The following SLC35A1 variants were observed in gnomAD, a reference collection of about 807,000 sequenced individuals.
The protein encoded by SLC35A1 is CMP-sialic acid transporter.
SLC35A1 carries 21 observed loss-of-function variants against 40.3 expected under a neutral mutation model. The ratio of observed to expected loss-of-function variants is 0.52; its 90% confidence interval spans 0.37 to 0.75. SLC35A1 has a LOEUF of 0.75. Ranked by LOEUF, SLC35A1 falls within the 30% of genes least tolerant of loss-of-function variation. SLC35A1 has a pLI of 0.00. For missense variants in SLC35A1, 297 were observed against 382.1 expected (o/e 0.78, Z 1.86); for synonymous variants, 146 against 147.3 (o/e 0.99, Z 0.06).
chr6:87,491,970 C>T (rs912044781), intron 2 of SLC35A1, among the ~76,000 whole-genome samples: 2 of 152,196 alleles, frequency 1.3e-5, no homozygotes, highest in African/African-American at 4.8e-5. Context: ...TAGCCCATAG[C>T]ACATTACACA....
At chr6:87,500,745 A>T in intron 3 of SLC35A1, 78 bp downstream of exon 3, 5 of 1,390,464 alleles carry the variant, frequency 3.6e-6, no homozygotes, top group Non-Finnish European at 4.0e-6. Context: ...TTATCATATT[A>T]TCAATTTTTT....
chr6:87,497,296 T>A (rs1006789784), intron 2 of SLC35A1, among the ~76,000 whole-genome samples: 2 of 152,178 alleles, frequency 1.3e-5, no homozygotes, highest in East Asian at 3.8e-4. Flanking sequence ...CATTCTGGTA[T>A]ACCTTGGTTT....
At chr6:87,481,625 T>G (rs896768894) in intron 2 of SLC35A1, among the ~76,000 whole-genome samples, 3 of 152,220 alleles carry the variant, frequency 2.0e-5, no homozygotes, top group Non-Finnish European at 4.4e-5. Context: ...TATTAGTGTA[T>G]TATTAATATT....
At chr6:87,479,606 T>C (rs1309724685) in intron 2 of SLC35A1, among the ~76,000 whole-genome samples, 3 of 152,210 alleles carry the variant, frequency 2.0e-5, no homozygotes, top group Non-Finnish European at 4.4e-5. Flanking sequence ...CAACATTCAG[T>C]TTTAATCATG....
intron 7 of SLC35A1, among the ~76,000 whole-genome samples, chr6:87,509,510 A>G (rs1346820497): frequency 6.6e-6 from 1 of 152,208 alleles, no homozygotes. Context: ...GTACTCAAGG[A>G]AATACATATA....
chr6:87,495,653 CTTTTT>C (rs373888935), intron 2 of SLC35A1, among the ~76,000 whole-genome samples: 1 of 142,712 alleles, frequency 7.0e-6, no homozygotes. Flanking sequence ...CCCTCAAAGT[CTTTTT>C]TTTTTTTTCT....
chr6:87,508,227 T>TAAAA (rs1770147739), intron 5 of SLC35A1, among the ~76,000 whole-genome samples, 193 bp from the exon 6 acceptor site: 1 of 152,138 alleles, frequency 6.6e-6, no homozygotes, highest in East Asian at 1.9e-4. Context: ...ATATACTCTG[T>TAAAA]AAAAACATAA....
chr6:87,493,364 T>G (rs1216049432), intron 2 of SLC35A1, among the ~76,000 whole-genome samples: 1 of 152,202 alleles, frequency 6.6e-6, no homozygotes, highest in Non-Finnish European at 1.5e-5. Context: ...AGGCATTTGG[T>G]ATACACATTG....
Position 87,511,847 on chromosome 6 carries a change from A to G in SLC35A1, c.*321A>G, listed in dbSNP as rs760100451. ...CATGGTAAGGCTACAATACTCAAGT[A>G]ACAAGGTTTGGGACAATGTCTAAGG... On this transcript the variant is annotated 3_prime_UTR_variant, in exon 8 of 8. Coordinates refer to ENST00000369552, the MANE Select transcript of SLC35A1 (RefSeq NM_006416.5). 28 of 359,730 alleles carry G rather than the reference A, an allele frequency of 7.8e-5. No homozygotes were observed. The highest frequency in any genetic ancestry group is 1.4e-4 in the Non-Finnish European group (26 of 187,400). The allele number at this position is 359,730 out of a possible 1,614,324, so 22.3% of individuals were successfully genotyped here. A position where few individuals can be genotyped will look rare whatever the true frequency, so the allele number is the denominator to read the frequency against.
At chr6:87,506,685 T>C (rs1770092003) in intron 5 of SLC35A1, among the ~76,000 whole-genome samples, 1 of 152,182 alleles carries the variant, frequency 6.6e-6, no homozygotes, top group African/African-American at 2.4e-5. Flanking sequence ...TCCTTGACCA[T>C]CTCAGTCCGG....
At chr6:87,488,828 G>A (rs1769461538) in intron 2 of SLC35A1, among the ~76,000 whole-genome samples, 1 of 152,188 alleles carries the variant, frequency 6.6e-6, no homozygotes, top group Non-Finnish European at 1.5e-5. Flanking sequence ...GTGACCAAAT[G>A]GATCAGCAAG....
rs972057445 is a variant in SLC35A1 at position 87,508,684 on chromosome 6, AAATT to A, written c.751+92_751+95del. On this transcript the variant is annotated intron_variant, in intron 6 of 7. Coordinates refer to ENST00000369552, the MANE Select transcript of SLC35A1 (RefSeq NM_006416.5). Reference sequence around the variant, plus strand: ...CATTTTAAGCTGTTATAACATTTTGAAATTAATCCTTTGATACTGTAAATACCAG... The same window carrying A: ...CATTTTAAGCTGTTATAACATTTTGAAATCCTTTGATACTGTAAATACCAG... 2.1e-5 allele frequency: 23 copies of A among 1,086,286 alleles called. No individual in the cohort carries two copies. The African/African-American group carries it at 2.2e-4, about 10-fold the overall frequency. 67.3% of individuals were successfully genotyped at this position (1,086,286 alleles called of 1,614,324 possible). A position where few individuals can be genotyped will look rare whatever the true frequency, so the allele number is the denominator to read the frequency against.
intron 7 of SLC35A1, 95 bp downstream of exon 7, chr6:87,509,270 C>G (rs1770181866): frequency 1.4e-6 from 2 of 1,469,146 alleles, no homozygotes; most frequent in Admixed American, 3.3e-5. Flanking sequence ...GTTGGTCATA[C>G]TGTTTACAGA....
At position 87,477,385 on chromosome 6, in the gene SLC35A1, T is replaced by G. The variant is rs747609693; in HGVS notation, c.40T>G (p.Leu14Val). 2 of 1,613,672 alleles carry G rather than the reference T, an allele frequency of 1.2e-6. No individual in the cohort carries two copies. The highest frequency in any genetic ancestry group is 3.3e-5 in the Admixed American group (2 of 60,020). ...AGACAATGTCACTTTATTATTCAAGTTATACTGCTTGGCAGTGATGACCCT... is the reference window on the plus strand; with the variant it reads ...AGACAATGTCACTTTATTATTCAAGGTATACTGCTTGGCAGTGATGACCCT... Reference protein sequence around the residue: ...PRDNVTLLFKLYCLAVMTLMA... With the variant: ...PRDNVTLLFKVYCLAVMTLMA... Residue 14 changes from leucine to valine, a missense_variant, in exon 2 of 8, where the codon TTA becomes GTA. By Grantham distance (32) the Leu-to-Val change is conservative. Coordinates refer to ENST00000369552, the MANE Select transcript of SLC35A1 (RefSeq NM_006416.5).
In SLC35A1 at chr6:87,506,511, C is replaced by T. The variant is rs367967825; in HGVS notation, c.574+63C>T. The T allele has an allele frequency of 7.1e-5, 90 of 1,259,862 alleles. No homozygotes were observed. In the African/African-American group the frequency reaches 1.3e-3, roughly 18 times the overall value. 78.0% of individuals were successfully genotyped at this position (1,259,862 alleles called of 1,614,324 possible). A position where few individuals can be genotyped will look rare whatever the true frequency, so the allele number is the denominator to read the frequency against. On this transcript the variant is annotated intron_variant, in intron 5 of 7. Transcript: ENST00000369552. ...TTTTTCGAAAACATCAAACTTTAGA[C>T]ACCAGTCTAGTTTATCTTGCTTTCT... is the stretch of plus-strand genomic sequence containing the variant.
At chr6:87,506,212 T>C (rs982169140) in intron 4 of SLC35A1, among the ~76,000 whole-genome samples, 170 bp from the exon 5 acceptor site, 2 of 152,228 alleles carry the variant, frequency 1.3e-5, no homozygotes, top group African/African-American at 2.4e-5. Context: ...CCCTGGTTAA[T>C]TTCTGGAATG....
At chr6:87,484,710 G>A (rs145005618) in intron 2 of SLC35A1, among the ~76,000 whole-genome samples, 3 of 151,268 alleles carry the variant, frequency 2.0e-5, no homozygotes, top group East Asian at 3.9e-4. Flanking sequence ...GCAGGTAATC[G>A]GAATGAGTCA....
chr6:87,487,851 CAT>C (rs200085410), intron 2 of SLC35A1, among the ~76,000 whole-genome samples: 48 of 152,280 alleles, frequency 3.2e-4, no homozygotes, highest in African/African-American at 1.1e-3. Flanking sequence ...CCACTCTGCA[CAT>C]GTCTGCCAAT....
At position 87,509,264 on chromosome 6, in the gene SLC35A1, G is replaced by A. The variant is rs1770181641; in HGVS notation, c.886+89G>A. 3 of 1,513,114 alleles carry A rather than the reference G, an allele frequency of 2.0e-6. No homozygotes were observed. In the African/African-American group the frequency reaches 4.1e-5, roughly 21 times the overall value. 93.7% of individuals were successfully genotyped at this position (1,513,114 alleles called of 1,614,324 possible). A position where few individuals can be genotyped will look rare whatever the true frequency, so the allele number is the denominator to read the frequency against. On this transcript the variant is annotated intron_variant, in intron 7 of 7. Transcript: ENST00000369552. ...ATCCCTTATTTAAAAGTGGCAGTTG[G>A]TCATACTGTTTACAGAAATTCCTAG...
Sources: gnomAD v4.1 joint callset for allele counts (sites outside exome capture counted in the v4.1 genomes callset) on GRCh38, gnomAD v4.1.1 for gene constraint, MANE v1.5 for transcripts, NCBI Gene and HGNC (gene_info 2026-07-23, HGNC 2026-07-21) for gene names.